The following NRN1 variants were observed in gnomAD, a reference collection of about 807,000 sequenced individuals.
NRN1 encodes neuritin.
In NRN1, 4 loss-of-function variants were observed where a neutral mutation model predicts 15.0. The ratio of observed to expected loss-of-function variants is 0.27; its 90% confidence interval spans 0.13 to 0.61. NRN1 has a LOEUF of 0.61. NRN1 is among the 20% of genes least tolerant of loss of function. NRN1 has a pLI of 0.87. For synonymous variants in NRN1, 85 were observed against 79.8 expected (o/e 1.07, Z -0.35); for missense variants, 134 against 181.9 (o/e 0.74, Z 1.51).
intron 1 of NRN1, chr6:6,003,380 C>T (rs1209199288): frequency 5.1e-6 from 3 of 582,918 alleles, no homozygotes; most frequent in African/African-American, 3.8e-5. Context: ...TCTCCTCCTC[C>T]CCTGTCCGCC....
At chr6:5,999,594 CGCCCATTAAT>C (rs1757877129) in intron 2 of NRN1, among the ~76,000 whole-genome samples, 1 of 152,218 alleles carries the variant, frequency 6.6e-6, no homozygotes, top group Non-Finnish European at 1.5e-5. Context: ...CGCAAGCTGC[CGCCCATTAAT>C]GCCTCTTAGC....
At chr6:6,001,895 C>T (rs107738) in intron 2 of NRN1, among the ~76,000 whole-genome samples, 42,441 of 152,120 alleles carry the variant, frequency 0.28, 6,671 homozygotes, top group East Asian at 0.48. Context: ...AGTATTACCC[C>T]AAACACTCCT....
At chr6:6,005,377 A>G (rs1758080803) in intron 1 of NRN1, among the ~76,000 whole-genome samples, 1 of 152,228 alleles carries the variant, frequency 6.6e-6, no homozygotes, top group Non-Finnish European at 1.5e-5. Context: ...GATTTAAAGC[A>G]TTGTCATTTT....
intron 2 of NRN1, among the ~76,000 whole-genome samples, chr6:5,999,764 C>G (rs1214659209): frequency 6.6e-6 from 1 of 152,182 alleles, no homozygotes; most frequent in South Asian, 2.1e-4. Flanking sequence ...CTACCTCTTC[C>G]TTTTGTTTTC....
intron 1 of NRN1, chr6:6,003,739 G>T: frequency 2.4e-6 from 3 of 1,234,298 alleles, no homozygotes; most frequent in South Asian, 4.1e-5. Context: ...ATCTCTTTCC[G>T]CCCTGAGGCC....
At position 5,998,926 on chromosome 6, in the gene NRN1, G is replaced by T; in HGVS notation, c.*50C>A. 1 of 1,338,384 alleles carries T rather than the reference G, an allele frequency of 7.5e-7. No individual in the cohort carries two copies. 82.9% of individuals were successfully genotyped at this position (1,338,384 alleles called of 1,614,324 possible). ...TAATGGATCTTCCTCTCGATTTCCG[G>T]GAGCATGGAGTGAGTGTGGGTGGGC... On this transcript the variant is annotated 3_prime_UTR_variant, in exon 3 of 3. Coordinates refer to ENST00000244766, the MANE Select transcript of NRN1 (RefSeq NM_016588.3).
chr6:5,998,767 C>G lies in NRN1; in HGVS notation c.*209G>C, dbSNP rs1240731141. The stretch of plus-strand genomic sequence containing the variant: ...TGAGGTCCGATTTTGGCTGTGCTTG[C>G]TTGCTCACTGATTGGTAACATTTGG... On this transcript the variant is annotated 3_prime_UTR_variant, in exon 3 of 3. Transcript: ENST00000244766. 14 of 575,366 alleles carry G rather than the reference C, an allele frequency of 2.4e-5. No homozygotes were observed. In the Admixed American group the frequency reaches 3.6e-4, roughly 15 times the overall value. The allele number at this position is 575,366 out of a possible 1,614,324, so 35.6% of individuals were successfully genotyped here. A position where few individuals can be genotyped will look rare whatever the true frequency, so the allele number is the denominator to read the frequency against.
intron 2 of NRN1, 39 bp from the exon 3 acceptor site, chr6:5,999,243 C>T: frequency 6.4e-7 from 1 of 1,556,766 alleles, no homozygotes; most frequent in African/African-American, 1.4e-5. Flanking sequence ...AGCAGGTTCA[C>T]TTGGGACGCC....
intron 1 of NRN1, chr6:6,003,069 G>A: frequency 1.5e-6 from 1 of 667,758 alleles, no homozygotes; most frequent in Non-Finnish European, 2.1e-6. Context: ...TCCTTGGTGG[G>A]CGCTCAGCAA....
chr6:6,005,459 A>C (rs906945622), intron 1 of NRN1, among the ~76,000 whole-genome samples: 3 of 152,250 alleles, frequency 2.0e-5, no homozygotes, highest in Admixed American at 2.0e-4. Flanking sequence ...TCTGCATTAT[A>C]AAATCTCAAA....
intron 2 of NRN1, among the ~76,000 whole-genome samples, chr6:6,000,823 A>G (rs685076): frequency 0.46 from 67,395 of 146,068 alleles, 16,736 homozygotes; most frequent in East Asian, 0.74. Flanking sequence ...GCTGGGCAGA[A>G]GTGGGCTTCA....
At chr6:6,003,656 C>T (rs1456378024) in intron 1 of NRN1, 5 of 1,194,090 alleles carry the variant, frequency 4.2e-6, no homozygotes, top group Non-Finnish European at 5.3e-6. Flanking sequence ...AAGCCCCCGG[C>T]CTCTGGACGG....
At chr6:6,000,847 C>T (rs1757927160) in intron 2 of NRN1, among the ~76,000 whole-genome samples, 1 of 147,220 alleles carries the variant, frequency 6.8e-6, no homozygotes, top group Non-Finnish European at 1.5e-5. Context: ...CCGTGTTGAG[C>T]AAACAGCTCC....
rs774783606 is a variant in NRN1 at position 6,002,335 on chromosome 6, G to A, written c.200+18C>T. ...CGCCCCCAAAACCGAAGTCCAGCCG[G>A]CCAGAGAGGACACTTACGTGCACAC... is the stretch of plus-strand genomic sequence containing the variant. On this transcript the variant is annotated intron_variant, in intron 2 of 2. Coordinates refer to ENST00000244766, the MANE Select transcript of NRN1 (RefSeq NM_016588.3). 2.5e-6 allele frequency: 4 copies of A among 1,612,272 alleles called. No homozygotes were observed. The highest frequency in any genetic ancestry group is 3.4e-6 in the Non-Finnish European group (4 of 1,178,516).
intron 2 of NRN1, 42 bp downstream of exon 2, chr6:6,002,311 G>A (rs771831675): frequency 3.7e-6 from 6 of 1,606,370 alleles, no homozygotes; most frequent in Non-Finnish European, 4.3e-6. Context: ...CCTCAGTAGC[G>A]CCCCCAAAAC....
rs74889367 is a variant in NRN1, at chr6:6,000,368, C to A, written c.201-1164G>T. Among the ~76,000 whole-genome samples, 494 of 152,288 alleles carry A rather than the reference C, an allele frequency of 3.2e-3. 1 individual carries two copies. The highest frequency in any genetic ancestry group is 0.012 in the African/African-American group (479 of 41,548). ...CCTGAGACTAAATATAATCCCAACC[C>A]GTGATCGATTCCTGGGGCGCTGTCT... On this transcript the variant is annotated intron_variant, in intron 2 of 2. Coordinates refer to ENST00000244766, the MANE Select transcript of NRN1 (RefSeq NM_016588.3).
At chr6:6,006,036 C>G (rs1174752604) in intron 1 of NRN1, among the ~76,000 whole-genome samples, 1 of 152,204 alleles carries the variant, frequency 6.6e-6, no homozygotes, top group Non-Finnish European at 1.5e-5. Flanking sequence ...TGTAAAGTAG[C>G]AGGCAAATGC....
upstream of NRN1, among the ~76,000 whole-genome samples, chr6:6,007,226 C>G (rs77567403): frequency 3.4e-3 from 516 of 152,188 alleles, 4 homozygotes; most frequent in Non-Finnish European, 5.4e-3. Flanking sequence ...GCCTCTTCCT[C>G]GTTCCGGGGG....
intron 2 of NRN1, 101 bp downstream of exon 2, chr6:6,002,252 C>T: frequency 6.9e-7 from 1 of 1,452,272 alleles, no homozygotes; most frequent in Non-Finnish European, 9.5e-7. Flanking sequence ...TGCGGATTCG[C>T]GCTGGCGCTG....
Sources: gnomAD v4.1 joint callset for allele counts (sites outside exome capture counted in the v4.1 genomes callset) on GRCh38, gnomAD v4.1.1 for gene constraint, MANE v1.5 for transcripts, NCBI Gene and HGNC (gene_info 2026-07-23, HGNC 2026-07-21) for gene names.